FAT3: variants seen among roughly 807,000 people sequenced by gnomAD.
FAT3 encodes FAT atypical cadherin 3.
Under a neutral mutation model 310.2 loss-of-function variants are expected in FAT3, and 95 were observed. The observed-to-expected ratio is 0.31, with a 90% CI of 0.26 to 0.36. The LOEUF (loss-of-function observed/expected upper bound fraction) is 0.36. FAT3 is among the 10% of genes least tolerant of loss of function. The pLI, the probability that FAT3 is intolerant of heterozygous loss-of-function variation, is 1.00. For missense variants in FAT3, 5,408 were observed against 5,715.6 expected (o/e 0.95, Z 1.74); for synonymous variants, 2,314 against 2,192.9 (o/e 1.06, Z -1.54).
intron 1 of FAT3, among the ~76,000 whole-genome samples, chr11:92,322,504 C>T (rs897276319): frequency 2.0e-5 from 3 of 152,232 alleles, no homozygotes; most frequent in African/African-American, 7.2e-5. Flanking sequence ...CTTCCTTTCA[C>T]GAAAGATTCC....
At chr11:92,527,341 G>A (rs1953900760) in intron 3 of FAT3, among the ~76,000 whole-genome samples, 1 of 152,122 alleles carries the variant, frequency 6.6e-6, no homozygotes, top group Admixed American at 6.5e-5. Context: ...AAGGAATATA[G>A]GAGTCCTCAC....
At chr11:92,242,340 G>T (rs547958862) in intron 1 of FAT3, among the ~76,000 whole-genome samples, 1 of 152,150 alleles carries the variant, frequency 6.6e-6, no homozygotes, top group African/African-American at 2.4e-5. Context: ...CTGCTGAGAG[G>T]CATTAATCCT....
At chr11:92,443,566 AG>A (rs1265039407) in intron 2 of FAT3, among the ~76,000 whole-genome samples, 1 of 152,224 alleles carries the variant, frequency 6.6e-6, no homozygotes, top group Non-Finnish European at 1.5e-5. Context: ...AGAATTGTCC[AG>A]TTAATTTTTT....
At chr11:92,282,022 C>T (rs1176134498) in intron 1 of FAT3, among the ~76,000 whole-genome samples, 2 of 152,098 alleles carry the variant, frequency 1.3e-5, no homozygotes, top group African/African-American at 4.8e-5. Context: ...TCTCCTGCCT[C>T]AGTCTCCTGG....
At chr11:92,772,000 A>C (rs1051297373) in intron 6 of FAT3, among the ~76,000 whole-genome samples, 1 of 152,106 alleles carries the variant, frequency 6.6e-6, no homozygotes, top group African/African-American at 2.4e-5. Flanking sequence ...CTGGTTCTCT[A>C]AATTTTATTT....
At chr11:92,725,714 T>A (rs1944978731) in intron 4 of FAT3, among the ~76,000 whole-genome samples, 1 of 152,172 alleles carries the variant, frequency 6.6e-6, no homozygotes, top group South Asian at 2.1e-4. Flanking sequence ...GCAAGCTTCT[T>A]AGAAGCATAC....
intron 13 of FAT3, among the ~76,000 whole-genome samples, chr11:92,812,813 T>A (rs1947714950): frequency 6.6e-6 from 1 of 152,078 alleles, no homozygotes; most frequent in South Asian, 2.1e-4. Flanking sequence ...GCTAGCCACT[T>A]TACTTGCTTA....
chr11:92,833,031 A>G (rs1379575804), intron 14 of FAT3, among the ~76,000 whole-genome samples: 23 of 152,238 alleles, frequency 1.5e-4, no homozygotes, highest in Admixed American at 1.5e-3. Context: ...AAGCAACAGA[A>G]TAAGAGAGAA....
intron 1 of FAT3, among the ~76,000 whole-genome samples, chr11:92,344,782 G>A (rs946903936): frequency 1.3e-5 from 2 of 152,078 alleles, no homozygotes; most frequent in African/African-American, 4.8e-5. Context: ...AAACATAAAC[G>A]GTAACACATC....
At chr11:92,629,033 C>T (rs112834237) in intron 3 of FAT3, among the ~76,000 whole-genome samples, 16 of 152,282 alleles carry the variant, frequency 1.1e-4, no homozygotes, top group African/African-American at 3.4e-4. Flanking sequence ...CTTAAGCAGC[C>T]CAGCTTTTCA....
At chr11:92,826,701 C>T (rs961136847) in intron 13 of FAT3, among the ~76,000 whole-genome samples, 3 of 152,158 alleles carry the variant, frequency 2.0e-5, no homozygotes, top group African/African-American at 7.2e-5. Context: ...TTATTTCTTC[C>T]CAAGATACTT....
intron 4 of FAT3, among the ~76,000 whole-genome samples, chr11:92,757,372 G>A (rs1946030314): frequency 6.6e-6 from 1 of 152,168 alleles, no homozygotes; most frequent in Admixed American, 6.5e-5. Flanking sequence ...TCTTTTGTGA[G>A]GCTGTAGCAG....
At chr11:92,265,042 C>G (rs1870296) in intron 1 of FAT3, among the ~76,000 whole-genome samples, 1 of 150,988 alleles carries the variant, frequency 6.6e-6, no homozygotes, top group Admixed American at 6.6e-5. Flanking sequence ...GAAAAAAAAA[C>G]CAAAATAATT....
intron 2 of FAT3, among the ~76,000 whole-genome samples, chr11:92,405,090 C>A (rs759263054): frequency 6.6e-6 from 1 of 152,042 alleles, no homozygotes; most frequent in Non-Finnish European, 1.5e-5. Flanking sequence ...TCTGTATGAA[C>A]CCAGTTGGTT....
chr11:92,433,185 T>A (rs560860929), intron 2 of FAT3, among the ~76,000 whole-genome samples: 1 of 152,258 alleles, frequency 6.6e-6, no homozygotes, highest in African/African-American at 2.4e-5. Flanking sequence ...GGGGGTAGGA[T>A]CCACTGAACA....
intron 21 of FAT3, among the ~76,000 whole-genome samples, chr11:92,861,680 G>A (rs938298184): frequency 4.6e-5 from 7 of 152,200 alleles, no homozygotes; most frequent in Non-Finnish European, 7.3e-5. Context: ...CTAAACTATT[G>A]CAGTTATTCT....
Position 92,891,327 on chromosome 11 carries a change from C to T in FAT3, c.*214C>T, listed in dbSNP as rs1033322945. On this transcript the variant is annotated 3_prime_UTR_variant, in exon 28 of 28. Coordinates refer to ENST00000525166, the MANE Select transcript of FAT3 (RefSeq NM_001367949.2). ...CTCAGAAATTGTTTTTGAGAGGTGA[C>T]TGGTAATCCTTGATGTAGGTACCTA... 4.6e-6 allele frequency: 3 copies of T among 645,826 alleles called. No homozygotes were observed. The African/African-American group carries it at 5.5e-5, about 12-fold the overall frequency. 40.0% of individuals were successfully genotyped at this position (645,826 alleles called of 1,614,324 possible). A position where few individuals can be genotyped will look rare whatever the true frequency, so the allele number is the denominator to read the frequency against.
intron 1 of FAT3, among the ~76,000 whole-genome samples, chr11:92,286,800 G>A (rs961392404): frequency 6.6e-6 from 1 of 152,154 alleles, no homozygotes; most frequent in African/African-American, 2.4e-5. Context: ...AGTTTAGACT[G>A]CATTAGGTGT....
chr11:92,583,571 T>C (rs1938948842), intron 3 of FAT3, among the ~76,000 whole-genome samples: 1 of 151,828 alleles, frequency 6.6e-6, no homozygotes, highest in African/African-American at 2.4e-5. Flanking sequence ...TTCTGAGCCT[T>C]GCCCCCTATT....
Sources: gnomAD v4.1 joint callset for allele counts (sites outside exome capture counted in the v4.1 genomes callset) on GRCh38, gnomAD v4.1.1 for gene constraint, MANE v1.5 for transcripts, NCBI Gene and HGNC (gene_info 2026-07-23, HGNC 2026-07-21) for gene names.